ARIH2: variants seen among roughly 807,000 people sequenced by gnomAD.
The protein encoded by ARIH2 is E3 ubiquitin-protein ligase ARIH2.
Under a neutral mutation model 79.8 loss-of-function variants are expected in ARIH2, and 12 were observed. The observed-to-expected ratio is 0.15, with a 90% CI of 0.10 to 0.24. ARIH2 has a LOEUF of 0.24. Among genes scored for constraint, ARIH2 ranks in the 10% least tolerant of loss-of-function variants. The pLI is 1.00. For synonymous variants in ARIH2, 224 were observed against 213.9 expected (o/e 1.05, Z -0.41); for missense variants, 301 against 618.3 (o/e 0.49, Z 5.44).
intron 3 of ARIH2, among the ~76,000 whole-genome samples, chr3:48,959,631 G>C (rs1403308283): frequency 9.2e-6 from 1 of 108,422 alleles, no homozygotes; most frequent in African/African-American, 3.9e-5. Context: ...GTGAAACCCC[G>C]TCTCTACTAA....
chr3:48,975,616 G>A (rs2092454914), intron 11 of ARIH2, among the ~76,000 whole-genome samples: 1 of 151,654 alleles, frequency 6.6e-6, no homozygotes, highest in African/African-American at 2.4e-5. Flanking sequence ...CCAGGCTGGA[G>A]TGCAGTGGCG....
At position 48,984,803 on chromosome 3, in the gene ARIH2, T is replaced by G. The variant is rs373978389; in HGVS notation, c.*1533T>G. On this transcript the variant is annotated 3_prime_UTR_variant, in exon 16 of 16. Transcript: ENST00000356401. ...CAAGTCAGCAATTTCCCAGGTACCA[T>G]GTAAGCTATAAAACAGTCATTCTTA... 2.7e-4 allele frequency: 41 copies of G among 152,340 alleles called. No individual in the cohort carries two copies. Among genetic ancestry groups the G allele is most frequent in the African/African-American group, 9.6e-4 (40 of 41,580 alleles). The allele number at this position is 152,340 out of a possible 1,614,324, so 9.4% of individuals were successfully genotyped here.
intron 3 of ARIH2, among the ~76,000 whole-genome samples, chr3:48,933,524 G>A (rs1661138268): frequency 6.7e-6 from 1 of 148,994 alleles, no homozygotes; most frequent in Middle Eastern, 3.5e-3. Context: ...GTGTGGCATA[G>A]TGAAGTATAT....
At chr3:48,969,422 C>G (rs765688948) in intron 7 of ARIH2, among the ~76,000 whole-genome samples, 1 of 152,028 alleles carries the variant, frequency 6.6e-6, no homozygotes, top group South Asian at 2.1e-4. Flanking sequence ...AGTCCTTTCC[C>G]TCTATTAGGC....
At chr3:48,981,025 A>C (rs925543592) in intron 13 of ARIH2, among the ~76,000 whole-genome samples, 1 of 149,164 alleles carries the variant, frequency 6.7e-6, no homozygotes, top group South Asian at 2.2e-4. Flanking sequence ...TCAAAAAAAA[A>C]AAAAAAAAAA....
chr3:48,933,194 C>T (rs1159748353), intron 3 of ARIH2, among the ~76,000 whole-genome samples: 4 of 151,258 alleles, frequency 2.6e-5, no homozygotes, highest in Non-Finnish European at 5.9e-5. Flanking sequence ...CTACTTCAGC[C>T]TCCCAAATAG....
At chr3:48,925,164 A>C (rs2085385141) in intron 2 of ARIH2, 1 of 146,088 alleles carries the variant, frequency 6.8e-6, no homozygotes, top group African/African-American at 2.6e-5. Flanking sequence ...CCCAGCCTGG[A>C]GTGCAGTGGC....
At chr3:48,919,387 G>A (rs2084421027) in intron 1 of ARIH2, 1 of 423,992 alleles carries the variant, frequency 2.4e-6, no homozygotes, top group Non-Finnish European at 4.1e-6. Flanking sequence ...CCTGTGGAGG[G>A]TATCCCCAGC....
chr3:48,935,424 A>G (rs533038029), intron 3 of ARIH2, among the ~76,000 whole-genome samples: 3 of 152,230 alleles, frequency 2.0e-5, no homozygotes, highest in African/African-American at 7.2e-5. Flanking sequence ...AATTTGCTTA[A>G]GCTTTCTGCA....
chr3:48,927,411 A>T lies in ARIH2; in HGVS notation c.-97-51A>T, dbSNP rs2085771516. On this transcript the variant is annotated intron_variant, in intron 2 of 15. Coordinates refer to ENST00000356401, the MANE Select transcript of ARIH2 (RefSeq NM_006321.4). ...TTTTGATTCTTGAATGGTTTCTGTT[A>T]CAACTTGTCATGGGGAAAAAGTAAC... The T allele has an allele frequency of 6.1e-6, 6 of 984,884 alleles. No individual in the cohort carries two copies. In the South Asian group the frequency reaches 8.7e-5, roughly 14 times the overall value. 61.0% of individuals were successfully genotyped at this position (984,884 alleles called of 1,614,324 possible). A position where few individuals can be genotyped will look rare whatever the true frequency, so the allele number is the denominator to read the frequency against.
chr3:48,976,701 CAG>C (rs2092520685), intron 11 of ARIH2, among the ~76,000 whole-genome samples: 2 of 152,202 alleles, frequency 1.3e-5, no homozygotes, highest in South Asian at 4.1e-4. Flanking sequence ...GCAGAAGACA[CAG>C]AGTTTAAAGA....
intron 3 of ARIH2, among the ~76,000 whole-genome samples, chr3:48,945,517 C>G (rs1428132702): frequency 6.6e-6 from 1 of 151,912 alleles, no homozygotes; most frequent in Admixed American, 6.6e-5. Flanking sequence ...CTCGCAAAAC[C>G]TTTTTTTTGA....
At position 48,980,454 on chromosome 3, in the gene ARIH2, C is replaced by T. The variant is rs61736369; in HGVS notation, c.1215C>T (p.Ile405=). 2.2e-5 allele frequency: 35 copies of T among 1,614,070 alleles called. No homozygotes were observed. In the African/African-American group the frequency reaches 2.7e-4, roughly 12 times the overall value. The change falls in exon 13 of 16, where the codon ATC becomes ATT. Residue 405 remains isoleucine, a synonymous_variant. Transcript: ENST00000356401. ...ERVMNNLGTW[I]DWQYLQNAAK... is the part of the protein sequence containing the mutation. ...TCATGAACAATCTGGGGACATGGATCGACTGGCAGTACCTACAGAATGCTG... is the reference window on the plus strand; with the variant it reads ...TCATGAACAATCTGGGGACATGGATTGACTGGCAGTACCTACAGAATGCTG...
At chr3:48,963,718 T>C (rs1323704459) in intron 4 of ARIH2, among the ~76,000 whole-genome samples, 1 of 152,212 alleles carries the variant, frequency 6.6e-6, no homozygotes, top group Non-Finnish European at 1.5e-5. Context: ...AGCAGTGGTA[T>C]ATAGGTGTTC....
intron 3 of ARIH2, among the ~76,000 whole-genome samples, chr3:48,959,679 AAG>A (rs1318150926): frequency 1.3e-5 from 2 of 151,392 alleles, no homozygotes; most frequent in African/African-American, 2.4e-5. Flanking sequence ...AAAAAAAGAA[AAG>A]AAAATACAGT....
chr3:48,967,631 C>T lies in ARIH2; in HGVS notation c.538+356C>T, dbSNP rs186867015. 1.2e-4 allele frequency among the ~76,000 whole-genome samples: 18 copies of T among 152,260 alleles called. No individual in the cohort carries two copies. The East Asian group carries it at 2.5e-3, about 21-fold the overall frequency. On this transcript the variant is annotated intron_variant, in intron 6 of 15. Transcript: ENST00000356401. ...GCTATTTAGGTAACATAGCACAAAT[C>T]AAATTTGATGATTAGTTACAGAAGT... is the stretch of plus-strand genomic sequence containing the variant.
chr3:48,942,545 C>T (rs2088460559), intron 3 of ARIH2, among the ~76,000 whole-genome samples: 1 of 151,922 alleles, frequency 6.6e-6, no homozygotes, highest in African/African-American at 2.4e-5. Context: ...CTCCGTTGCC[C>T]AGGCTGGAGT....
Position 48,974,881 on chromosome 3 carries a change from T to G in ARIH2, c.939+14T>G. 6.2e-7 allele frequency: 1 copy of G among 1,614,214 alleles called. No individual in the cohort carries two copies. The highest frequency in any genetic ancestry group is 8.5e-7 in the Non-Finnish European group (1 of 1,180,042). Reference sequence around the variant, plus strand: ...TGCAATCACATGGTGAGCAGAAGCCTCTGCAGTTTGCATGTGTGACATGGA... The same window carrying G: ...TGCAATCACATGGTGAGCAGAAGCCGCTGCAGTTTGCATGTGTGACATGGA... On this transcript the variant is annotated intron_variant, in intron 10 of 15. Coordinates refer to ENST00000356401, the MANE Select transcript of ARIH2 (RefSeq NM_006321.4).
chr3:48,973,657 G>T (rs747742092), intron 8 of ARIH2, 42 bp from the exon 9 acceptor site: 2 of 1,480,838 alleles, frequency 1.4e-6, no homozygotes, highest in Non-Finnish European at 1.9e-6. Context: ...ATGGGACCCT[G>T]ACTTAATGAA....
Sources: allele counts gnomAD v4.1 joint callset (sites outside exome capture counted in the v4.1 genomes callset), GRCh38; gene constraint gnomAD v4.1.1; transcripts MANE v1.5; gene names NCBI Gene and HGNC (gene_info 2026-07-23, HGNC 2026-07-21).